R3HDM1: variants seen among roughly 807,000 people sequenced by gnomAD.
R3HDM1 encodes R3H domain containing 1.
Under a neutral mutation model 141.1 loss-of-function variants are expected in R3HDM1, and 46 were observed. That is an observed-to-expected ratio of 0.33 (90% CI 0.26 to 0.42). R3HDM1 has a LOEUF of 0.42. Ranked by LOEUF, R3HDM1 falls within the 10% of genes least tolerant of loss-of-function variation. R3HDM1 has a pLI of 1.00. For missense variants in R3HDM1, 1,184 were observed against 1,368.3 expected, an observed-to-expected ratio of 0.87 and a Z score of 2.12; for synonymous variants, 435 against 472.9, an observed-to-expected ratio of 0.92 and a Z score of 1.04.
chr2:135,655,828 T>C (rs2065808638), intron 18 of R3HDM1, among the ~76,000 whole-genome samples: 1 of 152,128 alleles, frequency 6.6e-6, no homozygotes, highest in Non-Finnish European at 1.5e-5. Flanking sequence ...TTTTAGTATT[T>C]AGGCTCCTTG....
chr2:135,603,625 T>C (rs548990512), intron 2 of R3HDM1, among the ~76,000 whole-genome samples: 1 of 152,232 alleles, frequency 6.6e-6, no homozygotes, highest in Non-Finnish European at 1.5e-5. Flanking sequence ...TGTTTTGTTT[T>C]GTGACAGAGC....
chr2:135,619,207 A>G (rs569415781), intron 5 of R3HDM1, among the ~76,000 whole-genome samples: 45 of 152,306 alleles, frequency 3.0e-4, no homozygotes, highest in Admixed American at 9.8e-4. Context: ...AGGGTCAGGC[A>G]TTCATAAATC....
At chr2:135,683,774 A>G (rs1374671086) in intron 21 of R3HDM1, among the ~76,000 whole-genome samples, 1 of 152,122 alleles carries the variant, frequency 6.6e-6, no homozygotes, top group Non-Finnish European at 1.5e-5. Flanking sequence ...AGATAGTTGA[A>G]TTACCATCTA....
intron 21 of R3HDM1, among the ~76,000 whole-genome samples, chr2:135,687,704 ATG>A (rs1335914084): frequency 1.3e-5 from 2 of 152,194 alleles, no homozygotes; most frequent in African/African-American, 4.8e-5. Flanking sequence ...CCTGATTAAT[ATG>A]TTTTCTGTGT....
intron 19 of R3HDM1, among the ~76,000 whole-genome samples, chr2:135,663,134 CAAAAAA>C (rs555551580): frequency 4.4e-4 from 40 of 90,872 alleles, no homozygotes; most frequent in African/African-American, 1.2e-3. Context: ...GCCTCTCTGC[CAAAAAA>C]AAAAAAAAAA....
chr2:135,622,788 T>C, intron 7 of R3HDM1, 56 bp downstream of exon 7: 1 of 1,478,162 alleles, frequency 6.8e-7, no homozygotes, highest in Non-Finnish European at 9.0e-7. Context: ...AATTTTGCTA[T>C]ATATGTTTTC....
At chr2:135,669,514 T>C (rs2068010156) in intron 19 of R3HDM1, 2 of 984,806 alleles carry the variant, frequency 2.0e-6, no homozygotes, top group Non-Finnish European at 2.4e-6. Context: ...AAAGTCTTCA[T>C]TAACCAAAAT....
At chr2:135,698,184 G>A (rs1444502023) in intron 21 of R3HDM1, among the ~76,000 whole-genome samples, 1 of 149,284 alleles carries the variant, frequency 6.7e-6, no homozygotes, top group Non-Finnish European at 1.5e-5. Context: ...TTTTGAGACG[G>A]AGTCTCACTC....
At chr2:135,689,582 G>A (rs2071979906) in intron 21 of R3HDM1, among the ~76,000 whole-genome samples, 1 of 152,114 alleles carries the variant, frequency 6.6e-6, no homozygotes, top group Non-Finnish European at 1.5e-5. Context: ...TCTTACAGAG[G>A]TTCCTTGTGT....
At chr2:135,580,315 G>C (rs1706512025) in intron 1 of R3HDM1, among the ~76,000 whole-genome samples, 2 of 152,150 alleles carry the variant, frequency 1.3e-5, no homozygotes, top group African/African-American at 4.8e-5. Context: ...CTAAACTCTT[G>C]TTATCTGAGC....
chr2:135,638,552 G>T, intron 11 of R3HDM1, 66 bp from the exon 12 acceptor site: 1 of 1,460,264 alleles, frequency 6.8e-7, no homozygotes. Flanking sequence ...GTCATCATTG[G>T]TTTACAGATG....
chr2:135,537,608 C>CTTATTTTATTTTATTTTATT lies in R3HDM1; in HGVS notation c.-250+6024_-250+6043dup, dbSNP rs60815896. 8.7e-4 allele frequency among the ~76,000 whole-genome samples: 93 copies of CTTATTTTATTTTATTTTATT among 107,394 alleles called. 1 individual carries two copies. The highest frequency in any genetic ancestry group is 2.8e-3 in the Admixed American group (26 of 9,414). The allele number at this position is 107,394 out of a possible 152,430, so 70.5% of individuals were successfully genotyped here. A position where few individuals can be genotyped will look rare whatever the true frequency, so the allele number is the denominator to read the frequency against. Reference sequence around the variant, plus strand: ...GCCTAGGCCTTCATTTTAGTGAGCCCTTATTTTATTTTATTTTATTTTATT... The same window carrying CTTATTTTATTTTATTTTATT: ...GCCTAGGCCTTCATTTTAGTGAGCCCTTATTTTATTTTATTTTATTTTATTTTATTTTATTTTATTTTATT... On this transcript the variant is annotated intron_variant, in intron 1 of 26. Coordinates refer to ENST00000683871, the MANE Select transcript of R3HDM1 (RefSeq NM_001378107.1).
chr2:135,568,037 C>T (rs1464735235), intron 1 of R3HDM1, among the ~76,000 whole-genome samples: 2 of 150,970 alleles, frequency 1.3e-5, no homozygotes, highest in African/African-American at 4.9e-5. Flanking sequence ...CAGGCCTGAG[C>T]CACCATGCCT....
intron 15 of R3HDM1, among the ~76,000 whole-genome samples, chr2:135,645,029 G>C (rs2064237299): frequency 6.6e-6 from 1 of 152,098 alleles, no homozygotes; most frequent in African/African-American, 2.4e-5. Context: ...TTGCACTGAG[G>C]TGAGATTGTG....
intron 1 of R3HDM1, among the ~76,000 whole-genome samples, chr2:135,554,580 G>A (rs1420097966): frequency 1.3e-5 from 2 of 152,150 alleles, no homozygotes; most frequent in African/African-American, 4.8e-5. Context: ...TTGAGAAACT[G>A]CCAAACAGTT....
In R3HDM1 at chr2:135,616,775, A is replaced by C; in HGVS notation, c.303+18A>C. ...AGAACCAGGTAAAAAAGCAAAACAA[A>C]TGTTATTTCAAGACATGGTGGAACT... is the stretch of plus-strand genomic sequence containing the variant. On this transcript the variant is annotated intron_variant, in intron 5 of 26. Transcript: ENST00000683871. 1.9e-6 allele frequency: 3 copies of C among 1,539,126 alleles called. No homozygotes were observed. Among genetic ancestry groups the C allele is most frequent in the Non-Finnish European group, 8.9e-7 (1 of 1,118,826 alleles).
At chr2:135,723,240 G>T (rs1344422931) in intron 26 of R3HDM1, among the ~76,000 whole-genome samples, 8 of 151,832 alleles carry the variant, frequency 5.3e-5, no homozygotes, top group African/African-American at 1.9e-4. Context: ...TCCTGCCTCA[G>T]CCTCCCGAGT....
chr2:135,665,734 A>G (rs1056105489), intron 19 of R3HDM1, among the ~76,000 whole-genome samples: 1 of 152,188 alleles, frequency 6.6e-6, no homozygotes, highest in African/African-American at 2.4e-5. Flanking sequence ...GAGCTTATCT[A>G]AAAAGCTTAA....
chr2:135,656,397 C>T (rs1444698637), intron 18 of R3HDM1: 4 of 151,870 alleles, frequency 2.6e-5, no homozygotes, highest in Non-Finnish European at 5.9e-5. Context: ...TCAGGTATGC[C>T]ACATTGCTAT....
Sources: gnomAD v4.1 joint callset for allele counts (sites outside exome capture counted in the v4.1 genomes callset) on GRCh38, gnomAD v4.1.1 for gene constraint, MANE v1.5 for transcripts, NCBI Gene and HGNC (gene_info 2026-07-23, HGNC 2026-07-21) for gene names.